The following SGCZ variants were observed in gnomAD, a reference collection of about 807,000 sequenced individuals.
The protein encoded by SGCZ is sarcoglycan zeta, also known as zeta-sarcoglycan.
A neutral mutation model predicts 41.3 loss-of-function variants in SGCZ; 40 were observed. The observed-to-expected ratio is 0.97, with a 90% confidence interval of 0.75 to 1.26. SGCZ has a LOEUF of 1.26. Among genes scored for constraint, SGCZ ranks in the 50% most tolerant of loss-of-function variants. SGCZ has a pLI of 0.00. For missense variants in SGCZ, 552 were observed against 369.8 expected (o/e 1.49, Z -4.04); for synonymous variants, 206 against 137.5 (o/e 1.50, Z -3.49).
intron 1 of SGCZ, among the ~76,000 whole-genome samples, chr8:15,199,353 C>T (rs1008696132): frequency 1.3e-5 from 2 of 152,168 alleles, no homozygotes; most frequent in Non-Finnish European, 2.9e-5. Context: ...ATTCCCTCAA[C>T]CATTAAAGTA....
intron 1 of SGCZ, among the ~76,000 whole-genome samples, chr8:14,561,800 C>G (rs547408161): frequency 6.6e-6 from 1 of 152,222 alleles, no homozygotes; most frequent in South Asian, 2.1e-4. Context: ...AATACACTTT[C>G]CAACGCAGTA....
At position 14,372,684 on chromosome 8, in the gene SGCZ, A is replaced by G. The variant is rs1052704586; in HGVS notation, c.235-48480T>C. Reference sequence around the variant, plus strand: ...GAGTGACTCCTGTAGAATTTTGGAGATATCTGGAGAAAACACAGTAAGGCA... The same window carrying G: ...GAGTGACTCCTGTAGAATTTTGGAGGTATCTGGAGAAAACACAGTAAGGCA... On this transcript the variant is annotated intron_variant, in intron 2 of 7. Coordinates refer to ENST00000382080, the MANE Select transcript of SGCZ (RefSeq NM_139167.4). Among the ~76,000 whole-genome samples, 12 of 152,242 alleles carry G rather than the reference A, an allele frequency of 7.9e-5. No individual in the cohort carries two copies. The East Asian group carries it at 1.7e-3, about 22-fold the overall frequency.
chr8:14,962,521 C>T (rs1800996966), intron 1 of SGCZ, among the ~76,000 whole-genome samples: 1 of 151,994 alleles, frequency 6.6e-6, no homozygotes. Flanking sequence ...AAGAAATATA[C>T]AGCATTATTC....
At chr8:14,835,078 A>C (rs1802652222) in intron 1 of SGCZ, among the ~76,000 whole-genome samples, 2 of 152,214 alleles carry the variant, frequency 1.3e-5, no homozygotes, top group South Asian at 4.1e-4. Flanking sequence ...TTTCCTGTGA[A>C]ATAGTTAGAT....
intron 2 of SGCZ, among the ~76,000 whole-genome samples, chr8:14,349,337 G>C (rs1267081989): frequency 1.3e-5 from 2 of 152,088 alleles, no homozygotes; most frequent in African/African-American, 4.8e-5. Context: ...CAGTGAAGAA[G>C]ACATGGGTAG....
Position 14,271,716 on chromosome 8 carries a change from T to A in SGCZ, c.337-34037A>T, listed in dbSNP as rs1261020683. Among the ~76,000 whole-genome samples, 4 of 152,194 alleles carry A rather than the reference T, an allele frequency of 2.6e-5. No homozygotes were observed. The South Asian group carries it at 6.2e-4, about 24-fold the overall frequency. ...TGACTGGGGTTTTTATATCCTGACT[T>A]GCTCTGCAAACCCTCTACTTCCTTG... On this transcript the variant is annotated intron_variant, in intron 3 of 7. Transcript: ENST00000382080.
In SGCZ at chr8:14,946,864, C is replaced by T. The variant is rs1471609442; in HGVS notation, c.39+290721G>A. Reference sequence around the variant, plus strand: ...CTAATTTTTGTATTTTTAGTAGAGACGGGGTTTCACCATATTGGCCAGGCT... The same window carrying T: ...CTAATTTTTGTATTTTTAGTAGAGATGGGGTTTCACCATATTGGCCAGGCT... On this transcript the variant is annotated intron_variant, in intron 1 of 7. Transcript: ENST00000382080. Among the ~76,000 whole-genome samples the T allele has an allele frequency of 4.0e-5, 6 of 151,696 alleles. No individual in the cohort carries two copies. The South Asian group carries it at 1.0e-3, about 26-fold the overall frequency.
intron 1 of SGCZ, 52 bp downstream of exon 1, chr8:15,237,533 G>C (rs375368995): frequency 1.3e-6 from 2 of 1,563,812 alleles, no homozygotes; most frequent in Middle Eastern, 1.9e-4. Context: ...GGAGAGGGGA[G>C]AGCAGGGAGC....
intron 1 of SGCZ, among the ~76,000 whole-genome samples, chr8:15,108,750 T>A (rs573160964): frequency 1.3e-5 from 2 of 152,282 alleles, no homozygotes; most frequent in South Asian, 4.1e-4. Flanking sequence ...ATTATTAATA[T>A]GTATTGTAAG....
intron 3 of SGCZ, among the ~76,000 whole-genome samples, chr8:14,264,194 G>C (rs562439858): frequency 6.6e-6 from 1 of 152,316 alleles, no homozygotes; most frequent in Admixed American, 6.5e-5. Flanking sequence ...CATTGCAGTA[G>C]CCATGGTGAC....
At chr8:14,630,999 A>G (rs1563165829) in intron 1 of SGCZ, among the ~76,000 whole-genome samples, 1 of 152,144 alleles carries the variant, frequency 6.6e-6, no homozygotes, top group African/African-American at 2.4e-5. Flanking sequence ...GTGCACATGT[A>G]GCCTAGAACT....
intron 7 of SGCZ, among the ~76,000 whole-genome samples, chr8:14,092,387 G>A (rs1801712877): frequency 6.6e-6 from 1 of 152,008 alleles, no homozygotes. Context: ...AGATATCATT[G>A]AATCTATAAA....
intron 1 of SGCZ, among the ~76,000 whole-genome samples, chr8:15,091,639 A>T (rs1255186446): frequency 6.6e-6 from 1 of 152,212 alleles, no homozygotes; most frequent in Non-Finnish European, 1.5e-5. Flanking sequence ...GAACTAAAAA[A>T]ATTTCCAATT....
At chr8:14,822,797 C>G (rs868200748) in intron 1 of SGCZ, among the ~76,000 whole-genome samples, 2 of 152,054 alleles carry the variant, frequency 1.3e-5, no homozygotes, top group African/African-American at 4.8e-5. Context: ...AGACTGCTCC[C>G]TTTCATGATA....
At chr8:14,977,600 C>A (rs78440783) in intron 1 of SGCZ, among the ~76,000 whole-genome samples, 4 of 151,962 alleles carry the variant, frequency 2.6e-5, no homozygotes, top group African/African-American at 9.7e-5. Flanking sequence ...TCATCATTTA[C>A]ATTTAGAATA....
chr8:14,147,456 A>T (rs1208729948), intron 5 of SGCZ, among the ~76,000 whole-genome samples: 3 of 152,200 alleles, frequency 2.0e-5, no homozygotes, highest in African/African-American at 7.2e-5. Context: ...CAAAAACTAT[A>T]AGAAGCTACA....
At chr8:14,843,067 C>T (rs185893330) in intron 1 of SGCZ, among the ~76,000 whole-genome samples, 3 of 152,282 alleles carry the variant, frequency 2.0e-5, no homozygotes, top group African/African-American at 4.8e-5. Context: ...CAAAAATTAG[C>T]TGGGTGTGGT....
chr8:14,303,530 T>C (rs1250270035), intron 3 of SGCZ, among the ~76,000 whole-genome samples: 4 of 152,010 alleles, frequency 2.6e-5, no homozygotes, highest in East Asian at 1.9e-4. Context: ...AAGACAAACA[T>C]TGCTTCAGTA....
intron 3 of SGCZ, among the ~76,000 whole-genome samples, chr8:14,272,577 C>A (rs942846028): frequency 6.6e-6 from 1 of 152,166 alleles, no homozygotes; most frequent in Non-Finnish European, 1.5e-5. Flanking sequence ...TAATTCCTTG[C>A]AAGCCTCCAG....
Sources: gnomAD v4.1 joint callset for allele counts (sites outside exome capture counted in the v4.1 genomes callset) on GRCh38, gnomAD v4.1.1 for gene constraint, MANE v1.5 for transcripts, NCBI Gene and HGNC (gene_info 2026-07-23, HGNC 2026-07-21) for gene names.